The following ARCN1 variants were observed in gnomAD, a reference collection of about 807,000 sequenced individuals.
ARCN1 encodes the protein archain 1 coat protein complex I subunit delta.
In ARCN1, 5 loss-of-function variants were observed where a neutral mutation model predicts 60.4. The ratio of observed to expected loss-of-function variants is 0.08; its 90% CI spans 0.04 to 0.17. The LOEUF is 0.17. Ranked by LOEUF, ARCN1 falls within the 10% of genes least tolerant of loss-of-function variation. The pLI, the probability that ARCN1 is intolerant of heterozygous loss-of-function variation, is 1.00. For missense variants in ARCN1, 464 were observed against 626.5 expected, an observed-to-expected ratio of 0.74 and a Z score of 2.77; for synonymous variants, 224 against 220.0, an observed-to-expected ratio of 1.02 and a Z score of -0.16.
At position 118,583,221 on chromosome 11, in the gene ARCN1, G is replaced by C; in HGVS notation, c.310G>C (p.Glu104Gln). 1 of 1,614,122 alleles carries C rather than the reference G, an allele frequency of 6.2e-7. No homozygotes were observed. The highest frequency in any genetic ancestry group is 8.5e-7 in the Non-Finnish European group (1 of 1,180,026). The change falls in exon 3 of 10, where the codon GAG becomes CAG. Residue 104 changes from glutamate to glutamine, a missense_variant. This residue lies in a region of ARCN1 where 105 missense variants were observed against 186.3 expected (regional missense o/e 0.56). Coordinates refer to ENST00000264028, the MANE Select transcript of ARCN1 (RefSeq NM_001655.5). ...CRALEENEIS[E>Q]HCFDLIFAFD... is the part of the protein sequence containing the mutation. ...AGCCTTAGAAGAGAATGAAATATCT[G>C]AGCACTGTTTTGATTTGATTTTTGC...
intron 1 of ARCN1, among the ~76,000 whole-genome samples, chr11:118,578,115 T>C (rs1209332654): frequency 6.6e-6 from 1 of 151,662 alleles, no homozygotes; most frequent in Non-Finnish European, 1.5e-5. Flanking sequence ...TGAGCCAAGA[T>C]GGCACCACTG....
At chr11:118,592,983 T>C in intron 7 of ARCN1, 127 bp downstream of exon 7, 1 of 923,688 alleles carries the variant, frequency 1.1e-6, no homozygotes, top group African/African-American at 1.6e-5. Context: ...TCTTTTGAAA[T>C]GGACCTGGTG....
chr11:118,576,941 T>G lies in ARCN1; in HGVS notation c.4-4305T>G, dbSNP rs141433202. 2.1e-3 allele frequency among the ~76,000 whole-genome samples: 315 copies of G among 152,268 alleles called. 6 individuals are homozygous for G. In the East Asian group the frequency reaches 0.052, roughly 25 times the overall value. On this transcript the variant is annotated intron_variant, in intron 1 of 9. Coordinates refer to ENST00000264028, the MANE Select transcript of ARCN1 (RefSeq NM_001655.5). ...GGCTCATGCCTGTAATCCCAGCACT[T>G]TGGGAGGCTCAGGCGGGCAGATCAC...
At chr11:118,575,255 G>A (rs530954870) in intron 1 of ARCN1, among the ~76,000 whole-genome samples, 4 of 152,300 alleles carry the variant, frequency 2.6e-5, no homozygotes, top group African/African-American at 4.8e-5. Flanking sequence ...TGGGATTATA[G>A]GTGTGAGCCA....
rs1289141904 is a variant in ARCN1, at chr11:118,578,161, CAAAA to C, written c.4-3082_4-3079del. Among the ~76,000 whole-genome samples, 66 of 129,466 alleles carry C rather than the reference CAAAA, an allele frequency of 5.1e-4. 1 individual carries two copies. Among genetic ancestry groups the C allele is most frequent in the Middle Eastern group, 3.6e-3 (1 of 278 alleles). 84.9% of individuals were successfully genotyped at this position (129,466 alleles called of 152,430 possible). The stretch of plus-strand genomic sequence containing the variant: ...TGGACTACAGAGTGAGACACTCTCT[CAAAA>C]AATAAATAAATAAATAAATAAATAA... On this transcript the variant is annotated intron_variant, in intron 1 of 9. Transcript: ENST00000264028.
intron 7 of ARCN1, among the ~76,000 whole-genome samples, chr11:118,593,074 T>C (rs1438463974): frequency 1.3e-5 from 2 of 152,330 alleles, no homozygotes; most frequent in South Asian, 2.1e-4. Context: ...GTTGTTGTTA[T>C]TGTTTTAGAG....
At chr11:118,586,160 A>G (rs1174466886) in intron 5 of ARCN1, among the ~76,000 whole-genome samples, 3 of 151,742 alleles carry the variant, frequency 2.0e-5, no homozygotes, top group African/African-American at 7.3e-5. Context: ...CTGGAGTGCA[A>G]TGGCACGATC....
At chr11:118,599,669 A>G (rs868944077) in intron 9 of ARCN1, among the ~76,000 whole-genome samples, 2 of 152,140 alleles carry the variant, frequency 1.3e-5, no homozygotes, top group Admixed American at 6.5e-5. Flanking sequence ...ACCTCAGATG[A>G]TCCGCCCACC....
intron 9 of ARCN1, 68 bp downstream of exon 9, chr11:118,597,979 C>T: frequency 6.7e-7 from 1 of 1,501,090 alleles, no homozygotes; most frequent in Non-Finnish European, 9.2e-7. Context: ...TATAGGATGC[C>T]AGACAGGTAG....
chr11:118,595,194 AATG>A (rs1465770318), intron 8 of ARCN1, among the ~76,000 whole-genome samples: 1 of 152,186 alleles, frequency 6.6e-6, no homozygotes, highest in Non-Finnish European at 1.5e-5. Context: ...TTTGTGTAGT[AATG>A]AAGATTTCCA....
At chr11:118,594,491 T>C (rs1489796329) in intron 8 of ARCN1, among the ~76,000 whole-genome samples, 2 of 152,224 alleles carry the variant, frequency 1.3e-5, no homozygotes, top group Non-Finnish European at 2.9e-5. Context: ...TTTTACTGAC[T>C]TTAAAACCAA....
chr11:118,590,741 A>G (rs1555076212), intron 6 of ARCN1, among the ~76,000 whole-genome samples: 1 of 152,220 alleles, frequency 6.6e-6, no homozygotes, highest in African/African-American at 2.4e-5. Flanking sequence ...GTCATTTCGA[A>G]ATCTAATAAA....
At chr11:118,574,141 G>A (rs1338961280) in intron 1 of ARCN1, among the ~76,000 whole-genome samples, 1 of 152,046 alleles carries the variant, frequency 6.6e-6, no homozygotes, top group African/African-American at 2.4e-5. Context: ...ACATGTGTAC[G>A]TATACATAGA....
chr11:118,593,391 CTTTTTTT>C (rs57568260), intron 7 of ARCN1, among the ~76,000 whole-genome samples, 192 bp from the exon 8 acceptor site: 4 of 121,004 alleles, frequency 3.3e-5, no homozygotes, highest in African/African-American at 9.6e-5. Context: ...CCACGCCTGG[CTTTTTTT>C]TTTTTTTTTT....
chr11:118,592,582 T>A, intron 6 of ARCN1, 127 bp from the exon 7 acceptor site: 1 of 635,578 alleles, frequency 1.6e-6, no homozygotes, highest in East Asian at 2.7e-5. Context: ...TTCTTCAAAA[T>A]GAAAAAGAAT....
intron 1 of ARCN1, among the ~76,000 whole-genome samples, chr11:118,579,443 G>C (rs1371765682): frequency 4.6e-5 from 7 of 151,854 alleles, no homozygotes; most frequent in African/African-American, 1.7e-4. Context: ...AGGCCGAGGT[G>C]GGCAGATCAC....
Position 118,584,653 on chromosome 11 carries a change from G to T in ARCN1, c.818+9G>T. On this transcript the variant is annotated intron_variant, in intron 5 of 9. Transcript: ENST00000264028. Reference sequence around the variant, plus strand: ...CCCATTAATATGGAAAGGTAAGTAGGAACTTTGAGTAAGAATTCAAGCTTT... The same window carrying T: ...CCCATTAATATGGAAAGGTAAGTAGTAACTTTGAGTAAGAATTCAAGCTTT... The T allele has an allele frequency of 6.3e-7, 1 of 1,577,160 alleles. No individual in the cohort carries two copies. The highest frequency in any genetic ancestry group is 2.0e-5 in the Admixed American group (1 of 50,950).
chr11:118,586,854 A>G (rs1199272751), intron 5 of ARCN1, among the ~76,000 whole-genome samples: 1 of 142,406 alleles, frequency 7.0e-6, no homozygotes, highest in Non-Finnish European at 1.5e-5. Flanking sequence ...TCTATCTCCA[A>G]AAAAAAAAAA....
chr11:118,572,528 G>A lies in ARCN1; in HGVS notation c.-20G>A, dbSNP rs1938368149. On this transcript the variant is annotated 5_prime_UTR_variant, in exon 1 of 10. Transcript: ENST00000264028. ...CCCAGTGGAGCCGGAGTGCGGGCGC[G>A]CCCCACCACCGCCCTCACCATGGTA... The A allele has an allele frequency of 6.2e-7, 1 of 1,611,198 alleles. No individual in the cohort carries two copies. The highest frequency in any genetic ancestry group is 1.3e-5 in the African/African-American group (1 of 74,944).
Sources: gnomAD v4.1 joint callset for allele counts (sites outside exome capture counted in the v4.1 genomes callset) on GRCh38, gnomAD v4.1.1 for gene constraint, gnomAD v4.1.1 regional missense constraint, MANE v1.5 for transcripts, NCBI Gene and HGNC (gene_info 2026-07-23, HGNC 2026-07-21) for gene names.